Variants in CD2AP observed in about 807,000 individuals in gnomAD.
CD2AP encodes CD2-associated protein.
In CD2AP, 46 loss-of-function variants were observed where a neutral mutation model predicts 85.1. The ratio of observed to expected loss-of-function variants is 0.54; its 90% CI spans 0.43 to 0.69. The LOEUF (loss-of-function observed/expected upper bound fraction) is 0.69. Ranked by LOEUF, CD2AP falls within the 30% of genes least tolerant of loss-of-function variation. The pLI is 0.00. For missense variants in CD2AP, 769 were observed against 729.5 expected (o/e 1.05, Z -0.62); for synonymous variants, 255 against 252.9 (o/e 1.01, Z -0.08).
chr6:47,577,608 A>T (rs553712862), intron 8 of CD2AP, among the ~76,000 whole-genome samples: 1 of 152,346 alleles, frequency 6.6e-6, no homozygotes, highest in Non-Finnish European at 1.5e-5. Context: ...ATAAATCCTA[A>T]TGCAAAATAA....
chr6:47,488,762 A>G (rs1286230339), intron 1 of CD2AP, among the ~76,000 whole-genome samples: 1 of 150,386 alleles, frequency 6.6e-6, no homozygotes, highest in African/African-American at 2.4e-5. Context: ...GTGGTGGCAT[A>G]CCCCTGTAGT....
intron 1 of CD2AP, among the ~76,000 whole-genome samples, chr6:47,489,634 G>A (rs1323080505): frequency 6.6e-6 from 1 of 152,052 alleles, no homozygotes; most frequent in Non-Finnish European, 1.5e-5. Flanking sequence ...CTGAATGTAC[G>A]GAGCATTCGG....
chr6:47,577,406 T>TA (rs773053686), intron 8 of CD2AP, among the ~76,000 whole-genome samples: 1 of 152,192 alleles, frequency 6.6e-6, no homozygotes, highest in Non-Finnish European at 1.5e-5. Context: ...CCCAGGTTTT[T>TA]ATTCTTACTT....
intron 3 of CD2AP, 112 bp from the exon 4 acceptor site, chr6:47,544,494 G>A (rs1262854835): frequency 1.5e-5 from 11 of 746,494 alleles, no homozygotes; most frequent in African/African-American, 7.0e-5. Context: ...ATGCTCATAC[G>A]TTCTGTTTTT....
At chr6:47,497,951 G>A (rs1765908755) in intron 1 of CD2AP, among the ~76,000 whole-genome samples, 1 of 152,134 alleles carries the variant, frequency 6.6e-6, no homozygotes, top group African/African-American at 2.4e-5. Context: ...TGCAAATTTA[G>A]TACTTATTTT....
intron 2 of CD2AP, among the ~76,000 whole-genome samples, chr6:47,520,306 C>T (rs1013634275): frequency 6.6e-6 from 1 of 152,046 alleles, no homozygotes; most frequent in East Asian, 1.9e-4. Context: ...TGGTTGAGGA[C>T]CTTGGATCTA....
chr6:47,546,202 A>G (rs1444172040), intron 4 of CD2AP, among the ~76,000 whole-genome samples: 1 of 152,184 alleles, frequency 6.6e-6, no homozygotes, highest in Non-Finnish European at 1.5e-5. Flanking sequence ...ACTTACAGAA[A>G]TGCAAAATGC....
chr6:47,517,108 C>T (rs4715026), intron 2 of CD2AP, among the ~76,000 whole-genome samples: 144,642 of 151,970 alleles, frequency 0.95, 69,226 homozygotes, highest in East Asian at 1. Context: ...TGGGATCTGG[C>T]TATTTAAAAG....
intron 2 of CD2AP, among the ~76,000 whole-genome samples, chr6:47,525,891 A>C (rs1582514591): frequency 6.6e-6 from 1 of 152,074 alleles, no homozygotes; most frequent in African/African-American, 2.4e-5. Context: ...GGCTTCCCTC[A>C]TTTGAAGTAT....
intron 2 of CD2AP, among the ~76,000 whole-genome samples, chr6:47,517,440 A>G (rs893189718): frequency 2.0e-5 from 3 of 152,002 alleles, no homozygotes; most frequent in African/African-American, 7.3e-5. Context: ...GGTGTGTGCC[A>G]CCATGCCTGG....
chr6:47,579,405 G>T lies in CD2AP; in HGVS notation c.924G>T (p.Trp308Cys), dbSNP rs1224603280. The T allele has an allele frequency of 6.2e-7, 1 of 1,611,526 alleles. No homozygotes were observed. The highest frequency in any genetic ancestry group is 8.5e-7 in the Non-Finnish European group (1 of 1,177,728). ...LISKETGEAG[W>C]WRGELNGKEG... ...TTTAGGAGACTGGAGAAGCTGGCTG[G>T]TGGAGGGGCGAACTTAATGGTAAAG... The change falls in exon 9 of 18, where the codon TGG becomes TGT. Residue 308 changes from tryptophan (W) to cysteine (C), a missense_variant. Trp to Cys is a radical substitution (Grantham distance 215). Transcript: ENST00000359314.
Position 47,502,485 on chromosome 6 carries a change from A to G in CD2AP, c.5-795A>G, listed in dbSNP as rs576637934. ...GTTGTGTTGCCCTGGCTGGCCTCGA[A>G]CTCCTGAGTTTTTTTTTTTTTTTTT... On this transcript the variant is annotated intron_variant, in intron 1 of 17. Coordinates refer to ENST00000359314, the MANE Select transcript of CD2AP (RefSeq NM_012120.3). Among the ~76,000 whole-genome samples, 58 of 140,326 alleles carry G rather than the reference A, an allele frequency of 4.1e-4. No individual in the cohort carries two copies. The South Asian group carries it at 0.012, about 30-fold the overall frequency. The allele number at this position is 140,326 out of a possible 152,430, so 92.1% of individuals were successfully genotyped here.
chr6:47,622,194 G>A (rs1769764866), intron 17 of CD2AP, among the ~76,000 whole-genome samples: 1 of 152,162 alleles, frequency 6.6e-6, no homozygotes, highest in Non-Finnish European at 1.5e-5. Flanking sequence ...ATCCCACCGT[G>A]CCTCCCCCAA....
At chr6:47,515,349 A>T (rs1402271574) in intron 2 of CD2AP, among the ~76,000 whole-genome samples, 1 of 152,250 alleles carries the variant, frequency 6.6e-6, no homozygotes, top group Non-Finnish European at 1.5e-5. Context: ...AGTTGGGGCT[A>T]TAAAGTATAA....
intron 17 of CD2AP, among the ~76,000 whole-genome samples, chr6:47,615,605 G>A (rs775816689): frequency 6.6e-6 from 1 of 151,728 alleles, no homozygotes; most frequent in Non-Finnish European, 1.5e-5. Flanking sequence ...CATCATGAAG[G>A]GGATGATCCA....
intron 1 of CD2AP, among the ~76,000 whole-genome samples, chr6:47,481,445 A>G (rs1371970930): frequency 1.3e-5 from 2 of 152,108 alleles, no homozygotes; most frequent in African/African-American, 2.4e-5. Flanking sequence ...TCCTGGGTTC[A>G]AGGGATTCTC....
At chr6:47,557,428 A>G (rs1031213620) in intron 5 of CD2AP, among the ~76,000 whole-genome samples, 2 of 152,172 alleles carry the variant, frequency 1.3e-5, no homozygotes, top group Non-Finnish European at 1.5e-5. Flanking sequence ...GGTATTGACT[A>G]GGTTTTCTTC....
At position 47,477,885 on chromosome 6, in the gene CD2AP, C is replaced by T; in HGVS notation, c.-360C>T. On this transcript the variant is annotated 5_prime_UTR_variant, in exon 1 of 18. Transcript: ENST00000359314. ...GGCGGGCTCCGAGGCTAGGCGGGCG[C>T]TCGGGGTTGGAGCCGAGGGTCTGGG... 1 of 369,384 alleles carries T rather than the reference C, an allele frequency of 2.7e-6. No homozygotes were observed. Among genetic ancestry groups the T allele is most frequent in the Non-Finnish European group, 4.9e-6 (1 of 203,934 alleles). 22.9% of individuals were successfully genotyped at this position (369,384 alleles called of 1,614,324 possible).
Position 47,566,479 on chromosome 6 carries a change from TTTG to T in CD2AP, c.542-7570_542-7568del, listed in dbSNP as rs533378729. ...TTGTCAAGTGAAATCCTCTTGAGTT[TTTG>T]TTGTTGTTGTTGTTTTGGTTTTTGC... On this transcript the variant is annotated intron_variant, in intron 5 of 17. Transcript: ENST00000359314. Among the ~76,000 whole-genome samples the T allele has an allele frequency of 9.2e-5, 14 of 151,780 alleles. No individual in the cohort carries two copies. In the East Asian group the frequency reaches 1.2e-3, roughly 13 times the overall value.
Sources: allele counts gnomAD v4.1 joint callset (sites outside exome capture counted in the v4.1 genomes callset), GRCh38; gene constraint gnomAD v4.1.1; transcripts MANE v1.5; gene names NCBI Gene and HGNC (gene_info 2026-07-23, HGNC 2026-07-21).